The following AUTS2 variants were observed in gnomAD, a reference collection of about 807,000 sequenced individuals.
The protein encoded by AUTS2 is activator of transcription and developmental regulator AUTS2, also known as autism susceptibility gene 2 protein.
In AUTS2, 17 loss-of-function variants were observed where a neutral mutation model predicts 112.4. That is an observed-to-expected ratio of 0.15 (90% CI 0.10 to 0.23). The LOEUF is 0.23. Among genes scored for constraint, AUTS2 ranks in the 10% least tolerant of loss-of-function variants. The pLI is 1.00. For synonymous variants in AUTS2, 751 were observed against 702.7 expected (o/e 1.07, Z -1.09); for missense variants, 1,510 against 1,701.6 (o/e 0.89, Z 1.98).
At chr7:70,763,403 G>C in intron 7 of AUTS2, 62 bp downstream of exon 7, 1 of 1,248,410 alleles carries the variant, frequency 8.0e-7, no homozygotes, top group Non-Finnish European at 1.1e-6. Context: ...AGGTGGGTGG[G>C]AGTCGGGGAG....
At chr7:70,163,773 G>C (rs1180478159) in intron 4 of AUTS2, among the ~76,000 whole-genome samples, 3 of 152,148 alleles carry the variant, frequency 2.0e-5, no homozygotes, top group Non-Finnish European at 2.9e-5. Flanking sequence ...GAAGAAAACT[G>C]ATTGTATTTC....
At chr7:69,952,723 A>T (rs1797073225) in intron 2 of AUTS2, among the ~76,000 whole-genome samples, 1 of 152,200 alleles carries the variant, frequency 6.6e-6, no homozygotes, top group Non-Finnish European at 1.5e-5. Flanking sequence ...CAACAGGCAT[A>T]TCTTCCTGCC....
chr7:69,755,026 C>T (rs1278598659), intron 1 of AUTS2, among the ~76,000 whole-genome samples: 3 of 152,122 alleles, frequency 2.0e-5, no homozygotes, highest in African/African-American at 2.4e-5. Flanking sequence ...TCAACATTCC[C>T]ATGAGATGAG....
At chr7:70,752,192 G>A (rs563544959) in intron 6 of AUTS2, among the ~76,000 whole-genome samples, 1 of 152,180 alleles carries the variant, frequency 6.6e-6, no homozygotes, top group Non-Finnish European at 1.5e-5. Context: ...GGAATGGAAA[G>A]CAAGCAGGAG....
At chr7:70,773,173 C>G (rs917956852) in intron 11 of AUTS2, among the ~76,000 whole-genome samples, 2 of 152,024 alleles carry the variant, frequency 1.3e-5, no homozygotes, top group Non-Finnish European at 2.9e-5. Flanking sequence ...CATTCTTTTC[C>G]CCCCCTTCTC....
At chr7:69,656,393 A>G (rs1390506515) in intron 1 of AUTS2, among the ~76,000 whole-genome samples, 1 of 152,248 alleles carries the variant, frequency 6.6e-6, no homozygotes, top group East Asian at 1.9e-4. Context: ...TCTGTTGGGG[A>G]AAAACTTGAT....
chr7:69,832,136 C>G lies in AUTS2; in HGVS notation c.310-67150C>G, dbSNP rs187130196. Among the ~76,000 whole-genome samples the G allele has an allele frequency of 5.4e-3, 826 of 152,286 alleles. 6 individuals are homozygous for G. Among genetic ancestry groups the G allele is most frequent in the Non-Finnish European group, 5.4e-3 (369 of 68,012 alleles). On this transcript the variant is annotated intron_variant, in intron 1 of 18. Coordinates refer to ENST00000342771, the MANE Select transcript of AUTS2 (RefSeq NM_015570.4). Reference sequence around the variant, plus strand: ...TGTTTCCTCCCCTCACCGACAACCCCCTACCCTGCTCCCCATAGCAATGTT... The same window carrying G: ...TGTTTCCTCCCCTCACCGACAACCCGCTACCCTGCTCCCCATAGCAATGTT...
intron 2 of AUTS2, among the ~76,000 whole-genome samples, chr7:70,092,437 C>T (rs760530301): frequency 1.3e-5 from 2 of 152,122 alleles, no homozygotes; most frequent in Non-Finnish European, 2.9e-5. Flanking sequence ...TTCATTACAT[C>T]CATATACTGG....
chr7:70,246,329 C>T (rs922761443), intron 4 of AUTS2, among the ~76,000 whole-genome samples: 2 of 152,088 alleles, frequency 1.3e-5, no homozygotes, highest in Non-Finnish European at 2.9e-5. Context: ...TTATCTTTTA[C>T]ACTTAATTCA....
chr7:69,764,007 C>T (rs934622521), intron 1 of AUTS2, among the ~76,000 whole-genome samples: 3 of 152,130 alleles, frequency 2.0e-5, no homozygotes, highest in Admixed American at 1.3e-4. Flanking sequence ...CTCATTCTGA[C>T]TTTTAAAGCC....
chr7:69,895,643 G>A (rs538734773), intron 1 of AUTS2, among the ~76,000 whole-genome samples: 1 of 151,830 alleles, frequency 6.6e-6, no homozygotes, highest in Admixed American at 6.6e-5. Flanking sequence ...TAATGTCACG[G>A]CATGGGGTCC....
chr7:70,535,086 A>G (rs888968303), intron 5 of AUTS2, among the ~76,000 whole-genome samples: 5 of 151,886 alleles, frequency 3.3e-5, no homozygotes, highest in Non-Finnish European at 5.9e-5. Context: ...GTACACTCAA[A>G]GAAATTCTGA....
intron 5 of AUTS2, among the ~76,000 whole-genome samples, chr7:70,574,744 G>C (rs1563051151): frequency 6.6e-6 from 1 of 152,084 alleles, no homozygotes; most frequent in Non-Finnish European, 1.5e-5. Context: ...CAGACCACTG[G>C]CCCAATTTGA....
intron 1 of AUTS2, among the ~76,000 whole-genome samples, chr7:69,728,740 A>G (rs1786644195): frequency 6.6e-6 from 1 of 150,474 alleles, no homozygotes; most frequent in South Asian, 2.1e-4. Flanking sequence ...AGAGGTTGGA[A>G]CTAGTCAGCT....
At chr7:70,772,807 T>C (rs1483794321) in intron 11 of AUTS2, among the ~76,000 whole-genome samples, 2 of 152,262 alleles carry the variant, frequency 1.3e-5, no homozygotes, top group Non-Finnish European at 2.9e-5. Flanking sequence ...TGTCTGGAGA[T>C]AAAATGATGG....
intron 1 of AUTS2, among the ~76,000 whole-genome samples, chr7:69,765,842 G>A (rs527325541): frequency 1.3e-5 from 2 of 152,218 alleles, no homozygotes; most frequent in East Asian, 3.9e-4. Flanking sequence ...AGGTACTTTC[G>A]GGGCTGAGGC....
Position 69,884,147 on chromosome 7 carries a change from T to A in AUTS2, c.310-15139T>A, listed in dbSNP as rs150558046. Among the ~76,000 whole-genome samples, 374 of 152,282 alleles carry A rather than the reference T, an allele frequency of 2.5e-3. 2 individuals carry two copies. The highest frequency in any genetic ancestry group is 8.5e-3 in the African/African-American group (354 of 41,570). ...GCACAGTTTCTAAGGTAGATACCTGTGAGGATGTATAGGCATGCTTTAGAC... is the reference window on the plus strand; with the variant it reads ...GCACAGTTTCTAAGGTAGATACCTGAGAGGATGTATAGGCATGCTTTAGAC... On this transcript the variant is annotated intron_variant, in intron 1 of 18. Coordinates refer to ENST00000342771, the MANE Select transcript of AUTS2 (RefSeq NM_015570.4).
intron 1 of AUTS2, among the ~76,000 whole-genome samples, chr7:69,797,171 C>T (rs1174558190): frequency 1.3e-5 from 2 of 152,138 alleles, no homozygotes; most frequent in African/African-American, 2.4e-5. Flanking sequence ...ATTTGGAGAC[C>T]TGGGGACTTT....
chr7:70,104,723 G>A (rs1342004652), intron 2 of AUTS2, among the ~76,000 whole-genome samples: 1 of 152,110 alleles, frequency 6.6e-6, no homozygotes, highest in African/African-American at 2.4e-5. Context: ...TGGAGTTTAG[G>A]GAATTTGGAA....
Sources: allele counts gnomAD v4.1 joint callset (sites outside exome capture counted in the v4.1 genomes callset), GRCh38; gene constraint gnomAD v4.1.1; transcripts MANE v1.5; gene names NCBI Gene and HGNC (gene_info 2026-07-23, HGNC 2026-07-21).